HEATR9: variants seen among roughly 807,000 people sequenced by gnomAD.
HEATR9 encodes HEAT repeat containing 9.
In HEATR9, 54 loss-of-function variants were observed where a neutral mutation model predicts 68.2. That is an observed-to-expected ratio of 0.79 (90% confidence interval 0.64 to 0.99). The LOEUF (loss-of-function observed/expected upper bound fraction) is 0.99. Among genes scored for constraint, HEATR9 ranks in the 50% least tolerant of loss-of-function variants. The pLI, the probability that HEATR9 is intolerant of heterozygous loss-of-function variation, is 0.00. For missense variants in HEATR9, 662 were observed against 679.7 expected, an observed-to-expected ratio of 0.97 and a Z score of 0.29; for synonymous variants, 241 against 253.5, an observed-to-expected ratio of 0.95 and a Z score of 0.47.
At chr17:35,861,844 C>T (rs1447543949) in intron 8 of HEATR9, among the ~76,000 whole-genome samples, 1 of 151,698 alleles carries the variant, frequency 6.6e-6, no homozygotes, top group Non-Finnish European at 1.5e-5. Context: ...TAACATACTA[C>T]ATAATTTTCT....
intron 8 of HEATR9, chr17:35,861,294 G>T: frequency 1.4e-6 from 2 of 1,383,072 alleles, no homozygotes; most frequent in South Asian, 1.2e-5. Context: ...TCTTCATTGC[G>T]TCAATAGTTT....
intron 4 of HEATR9, 26 bp downstream of exon 4, chr17:35,864,732 C>T (rs748115550): frequency 1.2e-6 from 2 of 1,613,394 alleles, no homozygotes; most frequent in South Asian, 2.2e-5. Flanking sequence ...GGGAGTCCCC[C>T]ACGTCCTCTC....
chr17:35,868,535 C>A, intron 1 of HEATR9, 120 bp downstream of exon 1: 1 of 1,510,486 alleles, frequency 6.6e-7, no homozygotes, highest in South Asian at 1.3e-5. Context: ...AAGGGCCTGC[C>A]CTGATGTTTC....
intron 11 of HEATR9, among the ~76,000 whole-genome samples, chr17:35,857,716 G>T (rs189389947): frequency 6.6e-6 from 1 of 151,832 alleles, no homozygotes; most frequent in African/African-American, 2.4e-5. Context: ...CCAAGATCGC[G>T]CCACTGCACT....
At position 35,855,678 on chromosome 17, in the gene HEATR9, C is replaced by T; in HGVS notation, c.1351G>A (p.Ala451Thr). 6.2e-7 allele frequency: 1 copy of T among 1,613,978 alleles called. No homozygotes were observed. Among genetic ancestry groups the T allele is most frequent in the Non-Finnish European group, 8.5e-7 (1 of 1,179,974 alleles). Residue 451 changes from alanine to threonine, a missense_variant, in exon 14 of 15, where the codon GCT becomes ACT. By Grantham distance (58) the Ala-to-Thr change is moderately conservative. Transcript: ENST00000604834. ...LDLLDAENHQ[A>T]VKKSLQETLI... ...GCCTTACTTACACTCTTCTTCACAG[C>T]CTGGTGGTTTTCTGCATCTAGTAAG... is the stretch of plus-strand genomic sequence containing the variant.
At position 35,856,752 on chromosome 17, in the gene HEATR9, C is replaced by G. The variant is rs768368894; in HGVS notation, c.1206G>C (p.Thr402=). 1 of 1,605,774 alleles carries G rather than the reference C, an allele frequency of 6.2e-7. No homozygotes were observed. The highest frequency in any genetic ancestry group is 8.5e-7 in the Non-Finnish European group (1 of 1,176,088). ...CTCACGCCTCCACCAAGTTCATCAT[C>G]GTAGGCTTCAACTTGAGCTCTTCCA... ...QTVEELKLKP[T]MMNLVEAQLM... The change falls in exon 12 of 15, where the codon ACG becomes ACC. Residue 402 remains threonine (T), a synonymous_variant. Transcript: ENST00000604834.
intron 8 of HEATR9, among the ~76,000 whole-genome samples, chr17:35,860,443 T>C (rs1047231486): frequency 4.4e-4 from 65 of 146,784 alleles, no homozygotes; most frequent in African/African-American, 1.6e-3. Flanking sequence ...CTCTTCAAAG[T>C]CCTTATTTTT....
In HEATR9 at chr17:35,858,437, A is replaced by G. The variant is rs767740920; in HGVS notation, c.1028T>C (p.Leu343Pro). 5 of 1,614,024 alleles carry G rather than the reference A, an allele frequency of 3.1e-6. No homozygotes were observed. Among genetic ancestry groups the G allele is most frequent in the African/African-American group, 1.3e-5 (1 of 74,910 alleles). The stretch of plus-strand genomic sequence containing the variant: ...TTCAGGCAGTCCAGAGCTTACCTCA[A>G]GGACACTGGAAGAACACAGCTGGTC... ...ILDQLCSSSVLEDRFEATQML... is the reference protein window; with the variant it reads ...ILDQLCSSSVPEDRFEATQML... Residue 343 changes from leucine to proline, a missense_variant, in exon 10 of 15, where the codon CTT (leucine) becomes CCT (proline). Leu to Pro is a moderately conservative substitution (Grantham distance 98). Coordinates refer to ENST00000604834, the MANE Select transcript of HEATR9 (RefSeq NM_152781.4).
intron 1 of HEATR9, among the ~76,000 whole-genome samples, chr17:35,867,767 T>TTTTTG (rs747100766): frequency 3.1e-4 from 47 of 152,090 alleles, no homozygotes; most frequent in Non-Finnish European, 4.9e-4. Context: ...CATTTCCTGT[T>TTTTTG]TTTTGTTTTG....
At chr17:35,861,343 C>CT in intron 8 of HEATR9, 1 of 1,502,582 alleles carries the variant, frequency 6.7e-7, no homozygotes, top group Non-Finnish European at 9.2e-7. Context: ...AGGTTCATTT[C>CT]TATGTTTTTA....
At chr17:35,864,687 A>T in intron 4 of HEATR9, 71 bp downstream of exon 4, 1 of 1,603,874 alleles carries the variant, frequency 6.2e-7, no homozygotes, top group Admixed American at 1.7e-5. Flanking sequence ...GGGCTGAAGG[A>T]TGGTGTGAGC....
chr17:35,864,852 A>G lies in HEATR9; in HGVS notation c.359T>C (p.Phe120Ser). 6.2e-7 allele frequency: 1 copy of G among 1,614,208 alleles called. No individual in the cohort carries two copies. The highest frequency in any genetic ancestry group is 8.5e-7 in the Non-Finnish European group (1 of 1,180,034). ...KEVHQTHIKMFHLPMSKLTIK... is the reference protein window; with the variant it reads ...KEVHQTHIKMSHLPMSKLTIK... ...AGTCAGCTTGCTCATTGGGAGATGGAACATTTTGATGTGGGTTTGATGTAC... is the reference window on the plus strand; with the variant it reads ...AGTCAGCTTGCTCATTGGGAGATGGGACATTTTGATGTGGGTTTGATGTAC... Residue 120 changes from phenylalanine to serine, a missense_variant, in exon 4 of 15, where the codon TTC becomes TCC. Transcript: ENST00000604834.
rs369769694 is a variant in HEATR9, at chr17:35,858,938, C to G, written c.889G>C (p.Glu297Gln). ...FLRPCSNMVQ[E>Q]FLLQCLCQGL... The stretch of plus-strand genomic sequence containing the variant: ...TGGCACAGGCACTGCAACAAGAACT[C>G]TTGGACCATGTTGCTGCAAGGCCTC... The change falls in exon 9 of 15, where the codon GAG becomes CAG. Residue 297 changes from glutamate to glutamine, a missense_variant. By Grantham distance (29) the Glu-to-Gln change is conservative. Transcript: ENST00000604834. 58 of 1,614,184 alleles carry G rather than the reference C, an allele frequency of 3.6e-5. No homozygotes were observed. The African/African-American group carries it at 6.4e-4, about 18-fold the overall frequency.
Position 35,868,708 on chromosome 17 carries a change from A to G in HEATR9, c.35T>C (p.Val12Ala). 1 of 1,614,140 alleles carries G rather than the reference A, an allele frequency of 6.2e-7. No individual in the cohort carries two copies. Among genetic ancestry groups the G allele is most frequent in the Non-Finnish European group, 8.5e-7 (1 of 1,180,018 alleles). ...TGGGTACAGGAACATTGACCTGGAG[A>G]CATCAGAGATATCAGTTGATTTTTC... Reference protein sequence around the residue: ...AYEKSTDISDVSRSMFLYPWL... With the variant: ...AYEKSTDISDASRSMFLYPWL... The change falls in exon 1 of 15, where the codon GTC (valine) becomes GCC (alanine). Residue 12 changes from valine (V) to alanine (A), a missense_variant. Transcript: ENST00000604834.
intron 8 of HEATR9, 96 bp downstream of exon 8, chr17:35,862,899 G>A (rs2088046610): frequency 6.5e-7 from 1 of 1,538,580 alleles, no homozygotes; most frequent in African/African-American, 1.4e-5. Context: ...TATCAAAGCT[G>A]TGCTAGGTTA....
rs534186666 is a variant in HEATR9 at position 35,858,145 on chromosome 17, C to T, written c.1152+55G>A. On this transcript the variant is annotated intron_variant, in intron 11 of 14. Coordinates refer to ENST00000604834, the MANE Select transcript of HEATR9 (RefSeq NM_152781.4). ...GAGGCCAGGGGAGGTCTCCAGAACA[C>T]GGAAAAGAGAAAGGTTTGGGTGTCT... The T allele has an allele frequency of 6.1e-5, 98 of 1,611,242 alleles. No individual in the cohort carries two copies. In the African/African-American group the frequency reaches 1.1e-3, roughly 19 times the overall value.
intron 8 of HEATR9, chr17:35,861,217 T>C: frequency 2.5e-6 from 4 of 1,591,734 alleles, no homozygotes; most frequent in Non-Finnish European, 3.4e-6. Context: ...TTTCTGTAGC[T>C]CTTTATTTTT....
Position 35,856,807 on chromosome 17 carries a change from T to C in HEATR9, c.1153-2A>G. ...TTGAGCCACAGCCTGCCTCACAGCC[T>C]GCAGAGGGATCAAAATGAGTCAACA... On this transcript the variant is annotated splice_acceptor_variant, in intron 11 of 14. Transcript: ENST00000604834. LOFTEE classifies it high-confidence loss of function. 6.2e-7 allele frequency: 1 copy of C among 1,600,154 alleles called. No individual in the cohort carries two copies. The highest frequency in any genetic ancestry group is 8.5e-7 in the Non-Finnish European group (1 of 1,172,898).
At position 35,860,212 on chromosome 17, in the gene HEATR9, A is replaced by G. The variant is rs560190590; in HGVS notation, c.757-1142T>C. Among the ~76,000 whole-genome samples the G allele has an allele frequency of 2.2e-3, 336 of 150,304 alleles. 1 individual carries two copies. The highest frequency in any genetic ancestry group is 5.6e-3 in the Admixed American group (84 of 15,094). On this transcript the variant is annotated intron_variant, in intron 8 of 14. Coordinates refer to ENST00000604834, the MANE Select transcript of HEATR9 (RefSeq NM_152781.4). ...GAGATCGAGACCACAGTGAAACCCCATCTCTACTAAAAATACAAAAAAAAA... is the reference window on the plus strand; with the variant it reads ...GAGATCGAGACCACAGTGAAACCCCGTCTCTACTAAAAATACAAAAAAAAA...
Sources: gnomAD v4.1 joint callset for allele counts (sites outside exome capture counted in the v4.1 genomes callset) on GRCh38, gnomAD v4.1.1 for gene constraint, MANE v1.5 for transcripts, NCBI Gene and HGNC (gene_info 2026-07-23, HGNC 2026-07-21) for gene names.